The following TBC1D22B variants were observed in gnomAD, a reference collection of about 807,000 sequenced individuals.
TBC1D22B encodes TBC1 domain family member 22B.
TBC1D22B carries 32 observed loss-of-function variants against 69.1 expected under a neutral mutation model. The ratio of observed to expected loss-of-function variants is 0.46; its 90% CI spans 0.35 to 0.62. The LOEUF (loss-of-function observed/expected upper bound fraction) is 0.62, where lower values mean the gene tolerates loss of function less well. TBC1D22B is among the 20% of genes least tolerant of loss of function. The pLI, the probability that TBC1D22B is intolerant of heterozygous loss-of-function variation, is 0.00. For synonymous variants in TBC1D22B, 206 were observed against 229.8 expected (o/e 0.90, Z 0.94); for missense variants, 462 against 630.9 (o/e 0.73, Z 2.87).
intron 6 of TBC1D22B, 137 bp from the exon 7 acceptor site, chr6:37,286,870 G>A (rs1767021800): frequency 1.5e-6 from 1 of 680,670 alleles, no homozygotes; most frequent in East Asian, 3.3e-5. Flanking sequence ...CTTGAACCCT[G>A]GAGGCAGAGG....
intron 6 of TBC1D22B, among the ~76,000 whole-genome samples, chr6:37,285,315 CTTTTTTTTT>C (rs756459599): frequency 2.3e-4 from 17 of 73,562 alleles, no homozygotes; most frequent in East Asian, 4.9e-4. Context: ...TCCTTCCCCA[CTTTTTTTTT>C]TTTTTTTTTT....
chr6:37,326,284 G>A (rs1231266935), intron 12 of TBC1D22B, among the ~76,000 whole-genome samples: 2 of 149,880 alleles, frequency 1.3e-5, no homozygotes, highest in Non-Finnish European at 2.9e-5. Context: ...GGAGGCTGAG[G>A]CAGGAGAATC....
At chr6:37,290,238 A>G (rs1767133169) in intron 7 of TBC1D22B, among the ~76,000 whole-genome samples, 1 of 152,050 alleles carries the variant, frequency 6.6e-6, no homozygotes, top group Admixed American at 6.6e-5. Context: ...TCCCAAGTCC[A>G]CATGCTTTCT....
intron 8 of TBC1D22B, among the ~76,000 whole-genome samples, chr6:37,293,737 A>G (rs891204813): frequency 3.9e-5 from 6 of 152,258 alleles, no homozygotes; most frequent in Non-Finnish European, 7.3e-5. Context: ...ACTGAAAGCT[A>G]TGCCTCTTGT....
At chr6:37,310,008 A>G (rs1037566090) in intron 8 of TBC1D22B, among the ~76,000 whole-genome samples, 1 of 147,446 alleles carries the variant, frequency 6.8e-6, no homozygotes, top group East Asian at 1.9e-4. Flanking sequence ...CTGTTAATAT[A>G]TAAATATATA....
intron 1 of TBC1D22B, among the ~76,000 whole-genome samples, chr6:37,263,366 G>A (rs1201792896): frequency 1.3e-5 from 2 of 152,222 alleles, no homozygotes; most frequent in Non-Finnish European, 2.9e-5. Context: ...AGAGCAAGAT[G>A]TAGAAAGATA....
At chr6:37,317,357 A>G in intron 12 of TBC1D22B, 151 bp downstream of exon 12, 1 of 740,824 alleles carries the variant, frequency 1.3e-6, no homozygotes, top group East Asian at 2.7e-5. Flanking sequence ...CGTCCCTCTT[A>G]GTTGGCAGGA....
intron 9 of TBC1D22B, 41 bp from the exon 10 acceptor site, chr6:37,313,775 G>A (rs367836539): frequency 1.1e-5 from 18 of 1,585,560 alleles, no homozygotes; most frequent in Non-Finnish European, 1.5e-5. Flanking sequence ...GATAACACAA[G>A]TTAGAGTCCA....
chr6:37,316,261 G>T (rs1384758542), intron 10 of TBC1D22B, among the ~76,000 whole-genome samples: 3 of 152,180 alleles, frequency 2.0e-5, no homozygotes, highest in African/African-American at 7.2e-5. Context: ...CCTTTCGCTG[G>T]CAGTGTTCAC....
At chr6:37,305,012 G>T (rs1323153543) in intron 8 of TBC1D22B, among the ~76,000 whole-genome samples, 1 of 152,228 alleles carries the variant, frequency 6.6e-6, no homozygotes, top group African/African-American at 2.4e-5. Context: ...AGCCCTGAAG[G>T]AGGTAAGGGA....
At chr6:37,260,249 C>T (rs1766038575) in intron 1 of TBC1D22B, among the ~76,000 whole-genome samples, 1 of 152,092 alleles carries the variant, frequency 6.6e-6, no homozygotes, top group Non-Finnish European at 1.5e-5. Context: ...AAACTTTCTC[C>T]TGGGTGGGGA....
At chr6:37,271,515 T>A (rs961741720) in intron 2 of TBC1D22B, among the ~76,000 whole-genome samples, 2 of 152,170 alleles carry the variant, frequency 1.3e-5, no homozygotes, top group Non-Finnish European at 2.9e-5. Flanking sequence ...GCTGTGCCTG[T>A]GTGGGAGAGG....
chr6:37,313,923 A>G (rs1206041299), intron 10 of TBC1D22B, 32 bp downstream of exon 10: 3 of 1,595,772 alleles, frequency 1.9e-6, no homozygotes, highest in Admixed American at 1.7e-5. Flanking sequence ...TTCTCTAGCA[A>G]TAGCAGAGTT....
chr6:37,266,301 C>T (rs570254901), intron 1 of TBC1D22B, among the ~76,000 whole-genome samples: 4 of 152,190 alleles, frequency 2.6e-5, no homozygotes, highest in Admixed American at 6.5e-5. Flanking sequence ...TGTATTCTTT[C>T]AGATACTCTG....
At chr6:37,300,986 C>T (rs755866475) in intron 8 of TBC1D22B, among the ~76,000 whole-genome samples, 1 of 152,132 alleles carries the variant, frequency 6.6e-6, no homozygotes, top group Non-Finnish European at 1.5e-5. Flanking sequence ...TTCCCCCTAT[C>T]CCCTGGCAGC....
rs149084892 is a variant in TBC1D22B, at chr6:37,324,340, G to T, written c.1390-6704G>T. The T allele has an allele frequency of 2.2e-5, 10 of 456,748 alleles. No homozygotes were observed. In the East Asian group the frequency reaches 4.2e-4, roughly 19 times the overall value. The allele number at this position is 456,748 out of a possible 1,614,324, so 28.3% of individuals were successfully genotyped here. A position where few individuals can be genotyped will look rare whatever the true frequency, so the allele number is the denominator to read the frequency against. On this transcript the variant is annotated intron_variant, in intron 12 of 12. Transcript: ENST00000373491. ...GGTGGCTGGGAAAGACCAAGAAGAG[G>T]CAGAGGAAGAGGTGGCACCGATGAT...
At chr6:37,305,857 A>G (rs1365639457) in intron 8 of TBC1D22B, among the ~76,000 whole-genome samples, 1 of 152,122 alleles carries the variant, frequency 6.6e-6, no homozygotes, top group Non-Finnish European at 1.5e-5. Flanking sequence ...AATTTGAATC[A>G]TATAGTAAGA....
chr6:37,267,426 A>ATAAT (rs1766327858), intron 1 of TBC1D22B, among the ~76,000 whole-genome samples: 58 of 134,672 alleles, frequency 4.3e-4, no homozygotes, highest in African/African-American at 1.6e-3. Flanking sequence ...ATACACATAT[A>ATAAT]ATATATATAC....
At chr6:37,285,410 C>A (rs1766976952) in intron 6 of TBC1D22B, among the ~76,000 whole-genome samples, 1 of 150,580 alleles carries the variant, frequency 6.6e-6, no homozygotes, top group South Asian at 2.1e-4. Flanking sequence ...CTGCAGCCCC[C>A]ACCTCCTGGA....
Sources: gnomAD v4.1 joint callset for allele counts (sites outside exome capture counted in the v4.1 genomes callset) on GRCh38, gnomAD v4.1.1 for gene constraint, MANE v1.5 for transcripts, NCBI Gene and HGNC (gene_info 2026-07-23, HGNC 2026-07-21) for gene names.